Variants in TCF7L2 observed in about 807,000 individuals in gnomAD.
TCF7L2 encodes the protein transcription factor 7 like 2.
TCF7L2 carries 23 observed loss-of-function variants against 77.9 expected under a neutral mutation model. The observed-to-expected ratio is 0.30, with a 90% confidence interval of 0.21 to 0.42. TCF7L2 has a LOEUF of 0.42. TCF7L2 is among the 10% of genes least tolerant of loss of function. The pLI is 1.00. For missense variants in TCF7L2, 654 were observed against 793.1 expected (o/e 0.82, Z 2.11); for synonymous variants, 413 against 340.2 (o/e 1.21, Z -2.36).
At chr10:112,978,152 AT>A (rs1200268309) in intron 4 of TCF7L2, among the ~76,000 whole-genome samples, 6 of 152,192 alleles carry the variant, frequency 3.9e-5, no homozygotes, top group African/African-American at 1.4e-4. Context: ...TTGATTCTCT[AT>A]TGGAAAACAG....
At chr10:113,048,576 A>G (rs145426975) in intron 5 of TCF7L2, among the ~76,000 whole-genome samples, 1 of 152,318 alleles carries the variant, frequency 6.6e-6, no homozygotes, top group Non-Finnish European at 1.5e-5. Context: ...TTTCTACCTG[A>G]TGGGATAGCA....
intron 5 of TCF7L2, among the ~76,000 whole-genome samples, chr10:113,087,961 C>T (rs934084037): frequency 2.6e-5 from 4 of 152,034 alleles, no homozygotes; most frequent in Admixed American, 6.6e-5. Flanking sequence ...TCCTATTTTC[C>T]AGAGTCTTGC....
rs575072438 is a variant in TCF7L2, at chr10:113,152,371, C to T, written c.1200C>T (p.Tyr400=). 18 of 1,614,216 alleles carry T rather than the reference C, an allele frequency of 1.1e-5. No homozygotes were observed. Among genetic ancestry groups the T allele is most frequent in the African/African-American group, 6.7e-5 (5 of 75,052 alleles). The stretch of plus-strand genomic sequence containing the variant: ...CCAGAGAAGAGCAAGCGAAATACTA[C>T]GAGCTGGCCCGGAAGGAGCGACAGC... Residue 400 remains tyrosine, a synonymous_variant, in exon 11 of 14, where the codon TAC becomes TAT. Coordinates refer to ENST00000627217, the MANE Select transcript of TCF7L2 (RefSeq NM_001146274.2).
At chr10:113,142,238 C>A (rs1335034454) in intron 6 of TCF7L2, among the ~76,000 whole-genome samples, 3 of 152,234 alleles carry the variant, frequency 2.0e-5, no homozygotes, top group African/African-American at 7.2e-5. Flanking sequence ...CTCCTGACCA[C>A]CTCGGCCTCC....
intron 7 of TCF7L2, 63 bp downstream of exon 7, chr10:113,144,088 CTGTGTGTGTGTCTGTG>C (rs1218128849): frequency 4.8e-6 from 6 of 1,261,828 alleles, no homozygotes; most frequent in South Asian, 2.6e-5. Flanking sequence ...ATTATTTATT[CTGTGTGTGTGTCTGTG>C]TGTGTGTGTG....
At chr10:113,099,818 G>A (rs1192687068) in intron 5 of TCF7L2, among the ~76,000 whole-genome samples, 1 of 152,078 alleles carries the variant, frequency 6.6e-6, no homozygotes, top group Non-Finnish European at 1.5e-5. Context: ...TGAGAAGTGG[G>A]AGCAGTGACC....
At position 113,127,005 on chromosome 10, in the gene TCF7L2, A is replaced by G. The variant is rs1397378317; in HGVS notation, c.553-14179A>G. 8.0e-6 allele frequency: 7 copies of G among 874,458 alleles called. No homozygotes were observed. In the East Asian group the frequency reaches 8.4e-4, roughly 105 times the overall value. 54.2% of individuals were successfully genotyped at this position (874,458 alleles called of 1,614,324 possible). The stretch of plus-strand genomic sequence containing the variant: ...CGCATGCATGCTCTCAGCCTTTGCC[A>G]TGTTCGCTGTCACTTTGCGGTAACT... On this transcript the variant is annotated intron_variant, in intron 5 of 13. Transcript: ENST00000627217.
At chr10:113,072,044 TTTAA>T (rs35774661) in intron 5 of TCF7L2, among the ~76,000 whole-genome samples, 33,965 of 152,090 alleles carry the variant, frequency 0.22, 4,231 homozygotes, top group South Asian at 0.3. Flanking sequence ...TTAATTTTAT[TTTAA>T]TTAATTAATT....
At chr10:113,139,934 A>G (rs139596654) in intron 5 of TCF7L2, among the ~76,000 whole-genome samples, 1 of 152,280 alleles carries the variant, frequency 6.6e-6, no homozygotes, top group African/African-American at 2.4e-5. Context: ...CTTTTAATGC[A>G]ATTCCTTTTC....
At chr10:113,063,495 T>C (rs1374630406) in intron 5 of TCF7L2, among the ~76,000 whole-genome samples, 2 of 151,966 alleles carry the variant, frequency 1.3e-5, no homozygotes, top group African/African-American at 2.4e-5. Context: ...CTGCTCTGGC[T>C]GGAGGGAAGA....
intron 5 of TCF7L2, among the ~76,000 whole-genome samples, chr10:113,109,503 G>A (rs1489070142): frequency 1.3e-5 from 2 of 152,114 alleles, no homozygotes; most frequent in Non-Finnish European, 2.9e-5. Flanking sequence ...TAATTCTTTT[G>A]CCTCAGCCTC....
At chr10:113,150,218 AC>A (rs1290782939) in intron 8 of TCF7L2, among the ~76,000 whole-genome samples, 1 of 152,192 alleles carries the variant, frequency 6.6e-6, no homozygotes, top group East Asian at 1.9e-4. Context: ...TGCCTAGACA[AC>A]ATATGAAGTA....
At chr10:112,962,842 GC>G (rs1309106292) in intron 3 of TCF7L2, among the ~76,000 whole-genome samples, 1 of 152,120 alleles carries the variant, frequency 6.6e-6, no homozygotes, top group Non-Finnish European at 1.5e-5. Context: ...CAGGTGATCT[GC>G]CCGCCTCAGC....
intron 5 of TCF7L2, among the ~76,000 whole-genome samples, chr10:113,073,052 A>G (rs2058219974): frequency 6.7e-6 from 1 of 149,300 alleles, no homozygotes; most frequent in East Asian, 2.0e-4. Flanking sequence ...AGTGGACCCT[A>G]GTTAGGTGCT....
rs536325830 is a variant in TCF7L2 at position 112,956,059 on chromosome 10, G to T, written c.381+4452G>T. 1.1e-4 allele frequency among the ~76,000 whole-genome samples: 17 copies of T among 151,950 alleles called. No individual in the cohort carries two copies. In the South Asian group the frequency reaches 3.5e-3, roughly 32 times the overall value. On this transcript the variant is annotated intron_variant, in intron 3 of 13. Coordinates refer to ENST00000627217, the MANE Select transcript of TCF7L2 (RefSeq NM_001146274.2). ...TGGGTAAACTAGAAGGTATCTAAGA[G>T]GATTTTACATTTTGTCAGATGTTTC...
intron 6 of TCF7L2, among the ~76,000 whole-genome samples, chr10:113,141,905 A>C (rs907758140): frequency 6.6e-6 from 1 of 152,208 alleles, no homozygotes; most frequent in African/African-American, 2.4e-5. Flanking sequence ...CATTTTACAG[A>C]TATGAATACT....
intron 11 of TCF7L2, among the ~76,000 whole-genome samples, chr10:113,155,810 C>T (rs957724178): frequency 6.6e-6 from 1 of 152,212 alleles, no homozygotes; most frequent in South Asian, 2.1e-4. Flanking sequence ...TTGCCCCTCA[C>T]GTGGGAGAGG....
At chr10:112,964,994 G>A (rs890594787) in intron 4 of TCF7L2, among the ~76,000 whole-genome samples, 33 of 152,128 alleles carry the variant, frequency 2.2e-4, no homozygotes, top group Non-Finnish European at 7.4e-5. Context: ...TTTGCTTAGG[G>A]AGGGATCTTG....
chr10:113,092,030 A>G (rs776435357), intron 5 of TCF7L2, among the ~76,000 whole-genome samples: 25 of 152,232 alleles, frequency 1.6e-4, no homozygotes, highest in Non-Finnish European at 3.2e-4. Context: ...AGAGCCTGGC[A>G]CATGGTAACT....
Sources: allele counts gnomAD v4.1 joint callset (sites outside exome capture counted in the v4.1 genomes callset), GRCh38; gene constraint gnomAD v4.1.1; transcripts MANE v1.5; gene names NCBI Gene and HGNC (gene_info 2026-07-23, HGNC 2026-07-21).